The following DNMBP variants were observed in gnomAD, a reference collection of about 807,000 sequenced individuals.
DNMBP encodes dynamin-binding protein.
Under a neutral mutation model 150.0 loss-of-function variants are expected in DNMBP, and 87 were observed. The ratio of observed to expected loss-of-function variants is 0.58; its 90% CI spans 0.49 to 0.69. The LOEUF (loss-of-function observed/expected upper bound fraction) is 0.69, where lower values mean the gene tolerates loss of function less well. DNMBP is among the 30% of genes least tolerant of loss of function. The pLI, the probability that DNMBP is intolerant of heterozygous loss-of-function variation, is 0.00. For synonymous variants in DNMBP, 711 were observed against 750.4 expected, an observed-to-expected ratio of 0.95 and a Z score of 0.86; for missense variants, 1,774 against 1,949.0, an observed-to-expected ratio of 0.91 and a Z score of 1.69.
At chr10:99,959,565 C>T (rs925342959) in intron 3 of DNMBP, among the ~76,000 whole-genome samples, 1 of 152,018 alleles carries the variant, frequency 6.6e-6, no homozygotes, top group African/African-American at 2.4e-5. Flanking sequence ...TAAGAGTATA[C>T]AGGGAGGCCA....
intron 4 of DNMBP, among the ~76,000 whole-genome samples, chr10:99,946,654 T>C (rs1400067859): frequency 6.6e-6 from 1 of 152,128 alleles, no homozygotes; most frequent in African/African-American, 2.4e-5. Context: ...ACTACACAAA[T>C]CCTTGAATAA....
intron 1 of DNMBP, among the ~76,000 whole-genome samples, chr10:99,986,695 G>A (rs1204486457): frequency 2.0e-5 from 3 of 149,498 alleles, no homozygotes; most frequent in Non-Finnish European, 4.4e-5. Context: ...AAGTGAGCTT[G>A]AAACAATCAG....
intron 4 of DNMBP, chr10:99,931,069 T>G: frequency 3.4e-6 from 1 of 290,110 alleles, no homozygotes; most frequent in East Asian, 6.2e-5. Flanking sequence ...CAAACTGGCT[T>G]GGCTGCTTTA....
At chr10:99,989,793 ATG>A (rs2133375531) in intron 1 of DNMBP, among the ~76,000 whole-genome samples, 1 of 61,230 alleles carries the variant, frequency 1.6e-5, no homozygotes, top group South Asian at 4.0e-4. Flanking sequence ...CTAAACTGCT[ATG>A]TACCCCCTCT....
At chr10:99,888,674 T>G in intron 12 of DNMBP, 151 bp downstream of exon 12, 1 of 885,112 alleles carries the variant, frequency 1.1e-6, no homozygotes, top group Non-Finnish European at 1.7e-6. Flanking sequence ...AAAGTCATGT[T>G]GTGAATATCA....
At position 99,956,566 on chromosome 10, in the gene DNMBP, G is replaced by T; in HGVS notation, c.908C>A (p.Thr303Lys). 6.2e-7 allele frequency: 1 copy of T among 1,614,068 alleles called. No homozygotes were observed. Among genetic ancestry groups the T allele is most frequent in the Non-Finnish European group, 8.5e-7 (1 of 1,180,008 alleles). Residue 303 changes from threonine to lysine, a missense_variant, in exon 4 of 17, where the codon ACA becomes AAA. Thr to Lys is a moderately conservative substitution (Grantham distance 78). Coordinates refer to ENST00000324109, the MANE Select transcript of DNMBP (RefSeq NM_015221.4). ...CAGAGCCATGGTTTCCTCCACCCGT[G>T]TGTCAGGACATAATTTCACAAACCG... is the stretch of plus-strand genomic sequence containing the variant. ...PYRFVKLCPD[T>K]RVEETMALPQ...
chr10:100,003,156 C>T (rs2041034675), intron 1 of DNMBP, among the ~76,000 whole-genome samples: 1 of 152,150 alleles, frequency 6.6e-6, no homozygotes, highest in Non-Finnish European at 1.5e-5. Flanking sequence ...ACCATCCTGG[C>T]TATCATGGTA....
intron 1 of DNMBP, among the ~76,000 whole-genome samples, chr10:99,976,123 G>C (rs2040725467): frequency 6.6e-6 from 1 of 152,228 alleles, no homozygotes; most frequent in Admixed American, 6.5e-5. Context: ...GGCTGGTATA[G>C]TAGCTGCTCA....
chr10:99,877,290 A>T lies in DNMBP; in HGVS notation c.4595T>A (p.Leu1532Gln). The T allele has an allele frequency of 6.2e-7, 1 of 1,614,004 alleles. No individual in the cohort carries two copies. The highest frequency in any genetic ancestry group is 1.1e-5 in the South Asian group (1 of 91,028). ...YTFKARNPNE[L>Q]SVSANQKLKI... ...GAGTTTCTGATTGGCTGACACGCTCAGCTCATTTGGGTTTCGTGCCTTGAA... is the reference window on the plus strand; with the variant it reads ...GAGTTTCTGATTGGCTGACACGCTCTGCTCATTTGGGTTTCGTGCCTTGAA... Residue 1532 changes from leucine to glutamine, a missense_variant, in exon 17 of 17, where the codon CTG becomes CAG. Coordinates refer to ENST00000324109, the MANE Select transcript of DNMBP (RefSeq NM_015221.4).
intron 4 of DNMBP, among the ~76,000 whole-genome samples, chr10:99,952,173 G>A (rs1421163757): frequency 6.6e-6 from 1 of 152,182 alleles, no homozygotes; most frequent in Middle Eastern, 3.2e-3. Context: ...CACCATGATT[G>A]TGAGGCCTCC....
chr10:100,004,127 C>T (rs964086755), intron 1 of DNMBP, among the ~76,000 whole-genome samples: 1 of 150,930 alleles, frequency 6.6e-6, no homozygotes, highest in South Asian at 2.1e-4. Flanking sequence ...TGCCTGTGGT[C>T]TCAGCTACTT....
intron 4 of DNMBP, among the ~76,000 whole-genome samples, chr10:99,918,836 A>G (rs1017688322): frequency 2.6e-5 from 4 of 152,208 alleles, no homozygotes. Flanking sequence ...ACCATTTCTG[A>G]ACACTCACCA....
rs1181832635 is a variant in DNMBP, at chr10:99,904,447, GC to G, written c.2554+3547del. Among the ~76,000 whole-genome samples, 6 of 152,230 alleles carry G rather than the reference GC, an allele frequency of 3.9e-5. 1 individual carries two copies. In the South Asian group the frequency reaches 1.2e-3, roughly 32 times the overall value. On this transcript the variant is annotated intron_variant, in intron 6 of 16. Transcript: ENST00000324109. Reference sequence around the variant, plus strand: ...TGATCATTCTCTATCTCAGCCACCTGCCCTTTGCCCGTGGCTCCATAAGGCT... The same window carrying G: ...TGATCATTCTCTATCTCAGCCACCTGCCTTTGCCCGTGGCTCCATAAGGCT...
At chr10:99,953,120 G>A (rs2040442616) in intron 4 of DNMBP, among the ~76,000 whole-genome samples, 1 of 152,180 alleles carries the variant, frequency 6.6e-6, no homozygotes, top group Non-Finnish European at 1.5e-5. Context: ...GAAGTCTCCA[G>A]AGGCTTATCA....
chr10:99,992,672 G>A (rs1394475646), intron 1 of DNMBP, among the ~76,000 whole-genome samples: 3 of 151,158 alleles, frequency 2.0e-5, no homozygotes, highest in Non-Finnish European at 3.0e-5. Flanking sequence ...GACTATAGGC[G>A]CCCGCCACTA....
intron 4 of DNMBP, among the ~76,000 whole-genome samples, chr10:99,915,818 C>T (rs1312522923): frequency 2.0e-5 from 3 of 152,130 alleles, no homozygotes; most frequent in African/African-American, 7.2e-5. Context: ...TATTATTGTC[C>T]CCATTTTACT....
rs2040483588 is a variant in DNMBP at position 99,955,780 on chromosome 10, C to A, written c.1694G>T (p.Gly565Val). The change falls in exon 4 of 17, where the codon GGG becomes GTG. Residue 565 changes from glycine (G) to valine (V), a missense_variant. Around this residue, in one of 2 missense-constraint regions of DNMBP, gnomAD observed 1,430 missense variants for 1,492.5 expected, o/e 0.96. Coordinates refer to ENST00000324109, the MANE Select transcript of DNMBP (RefSeq NM_015221.4). ...AATTTTATCTGGCTCTGTGCCGGGC[C>A]CTGCCAAGCTCTTCTCAAACTCGAT... is the stretch of plus-strand genomic sequence containing the variant. ...QLIEFEKSLAGPGTEPDKILR... is the reference protein window; with the variant it reads ...QLIEFEKSLAVPGTEPDKILR... 4 of 1,614,222 alleles carry A rather than the reference C, an allele frequency of 2.5e-6. No homozygotes were observed. In the East Asian group the frequency reaches 8.9e-5, roughly 36 times the overall value.
intron 1 of DNMBP, among the ~76,000 whole-genome samples, chr10:99,973,289 G>GAACAA (rs1033819940): frequency 6.6e-5 from 10 of 151,884 alleles, no homozygotes; most frequent in South Asian, 4.2e-4. Flanking sequence ...AGGAATTCAG[G>GAACAA]AACAAAACAA....
intron 11 of DNMBP, among the ~76,000 whole-genome samples, chr10:99,891,241 C>A (rs1163173228): frequency 1.4e-5 from 2 of 147,386 alleles, no homozygotes; most frequent in African/African-American, 5.1e-5. Context: ...GGAGCCAAAG[C>A]TGGACTGTAC....
Sources: allele counts gnomAD v4.1 joint callset (sites outside exome capture counted in the v4.1 genomes callset), GRCh38; gene constraint gnomAD v4.1.1; regional missense constraint gnomAD v4.1.1; transcripts MANE v1.5; gene names NCBI Gene and HGNC (gene_info 2026-07-23, HGNC 2026-07-21).